The following SPATA6 variants were observed in gnomAD, a reference collection of about 807,000 sequenced individuals.
The protein encoded by SPATA6 is spermatogenesis associated 6.
Under a neutral mutation model 65.3 loss-of-function variants are expected in SPATA6, and 56 were observed. The observed-to-expected ratio is 0.86, with a 90% confidence interval of 0.69 to 1.07. The LOEUF (loss-of-function observed/expected upper bound fraction) is 1.07. SPATA6 is among the 50% of genes least tolerant of loss of function. The pLI is 0.00. For missense variants in SPATA6, 590 were observed against 594.8 expected (o/e 0.99, Z 0.08); for synonymous variants, 199 against 213.2 (o/e 0.93, Z 0.58).
intron 1 of SPATA6, among the ~76,000 whole-genome samples, chr1:48,465,176 A>C (rs1464896305): frequency 6.6e-6 from 1 of 152,190 alleles, no homozygotes; most frequent in African/African-American, 2.4e-5. Flanking sequence ...GGATATTGGT[A>C]GTCACAGAAA....
chr1:48,329,423 T>G (rs192637976), intron 11 of SPATA6, among the ~76,000 whole-genome samples: 47 of 152,168 alleles, frequency 3.1e-4, no homozygotes, highest in Admixed American at 2.9e-3. Flanking sequence ...AGAAAAAGAC[T>G]TGTACCAGAC....
At chr1:48,375,289 T>C (rs1218768325) in intron 9 of SPATA6, among the ~76,000 whole-genome samples, 1 of 152,034 alleles carries the variant, frequency 6.6e-6, no homozygotes, top group African/African-American at 2.4e-5. Flanking sequence ...GGGAGAAATC[T>C]GTCTCATTAC....
intron 11 of SPATA6, among the ~76,000 whole-genome samples, chr1:48,344,534 TAAACTTA>T (rs1646308851): frequency 6.6e-6 from 1 of 152,022 alleles, no homozygotes; most frequent in South Asian, 2.1e-4. Flanking sequence ...ATATAAACAC[TAAACTTA>T]AATCTAAATG....
chr1:48,448,721 A>G (rs1273578596), intron 3 of SPATA6, among the ~76,000 whole-genome samples: 2 of 152,242 alleles, frequency 1.3e-5, no homozygotes, highest in Non-Finnish European at 2.9e-5. Context: ...GGAATGAACT[A>G]CTTAGATGTG....
At chr1:48,348,804 AT>A (rs1393420012) in intron 11 of SPATA6, among the ~76,000 whole-genome samples, 1 of 152,024 alleles carries the variant, frequency 6.6e-6, no homozygotes, top group Non-Finnish European at 1.5e-5. Flanking sequence ...ATAAACATGA[AT>A]TAAAGCTTAT....
intron 11 of SPATA6, among the ~76,000 whole-genome samples, chr1:48,335,292 C>A (rs1646028633): frequency 6.7e-6 from 1 of 149,022 alleles, no homozygotes; most frequent in Non-Finnish European, 1.5e-5. Context: ...TTCTAAAATT[C>A]ATATGGAACA....
At chr1:48,329,322 G>C (rs1212650478) in intron 11 of SPATA6, among the ~76,000 whole-genome samples, 1 of 152,114 alleles carries the variant, frequency 6.6e-6, no homozygotes, top group East Asian at 1.9e-4. Flanking sequence ...GTATAGATTA[G>C]AAATGGCTTA....
intron 11 of SPATA6, among the ~76,000 whole-genome samples, chr1:48,328,372 G>A (rs1645824064): frequency 6.6e-6 from 1 of 151,766 alleles, no homozygotes; most frequent in African/African-American, 2.4e-5. Context: ...TCCATCAACT[G>A]ATGAATGGAT....
chr1:48,273,348 A>AT, the SPATA6 span, among the ~76,000 whole-genome samples: 9 of 151,830 alleles, frequency 5.9e-5, no homozygotes, highest in Non-Finnish European at 8.8e-5. Flanking sequence ...GCCAAACATC[A>AT]TTTTTTTTAT....
chr1:48,448,284 T>G, intron 3 of SPATA6, among the ~76,000 whole-genome samples: 1 of 148,556 alleles, frequency 6.7e-6, no homozygotes, highest in Admixed American at 6.7e-5. Context: ...AAGGAGAAGC[T>G]GAAAAAGGAA....
intron 11 of SPATA6, among the ~76,000 whole-genome samples, chr1:48,332,356 T>C (rs1031265395): frequency 2.6e-5 from 4 of 152,096 alleles, no homozygotes; most frequent in African/African-American, 9.7e-5. Flanking sequence ...ACATGCAATG[T>C]CATCAACAGG....
intron 8 of SPATA6, among the ~76,000 whole-genome samples, chr1:48,391,462 A>G (rs1013632564): frequency 8.5e-5 from 13 of 152,126 alleles, no homozygotes; most frequent in African/African-American, 2.7e-4. Flanking sequence ...AGCTAGCATT[A>G]TATTAAAAGT....
At chr1:48,299,206 G>A (rs1249839427) in intron 12 of SPATA6, among the ~76,000 whole-genome samples, 7 of 151,886 alleles carry the variant, frequency 4.6e-5, no homozygotes, top group African/African-American at 1.5e-4. Context: ...ATACTGGCCT[G>A]GTATGGCCAG....
At chr1:48,381,238 G>A (rs1003767008) in intron 9 of SPATA6, among the ~76,000 whole-genome samples, 3 of 152,122 alleles carry the variant, frequency 2.0e-5, no homozygotes, top group African/African-American at 4.8e-5. Context: ...TATACAGGAA[G>A]AGCCCTATCT....
chr1:48,364,010 TCTC>T (rs1212609720), intron 9 of SPATA6, among the ~76,000 whole-genome samples: 1 of 151,866 alleles, frequency 6.6e-6, no homozygotes, highest in Non-Finnish European at 1.5e-5. Flanking sequence ...GTCCATGTGC[TCTC>T]CTTGTTCAAT....
At chr1:48,451,490 T>G in intron 3 of SPATA6, 62 bp downstream of exon 3, 6 of 1,501,924 alleles carry the variant, frequency 4.0e-6, no homozygotes, top group Non-Finnish European at 5.5e-6. Flanking sequence ...AGATTAAAGA[T>G]CATAAGGATA....
chr1:48,304,710 G>A (rs949288098), intron 12 of SPATA6, among the ~76,000 whole-genome samples: 3 of 152,010 alleles, frequency 2.0e-5, no homozygotes, highest in African/African-American at 7.2e-5. Flanking sequence ...ATCTATGGGG[G>A]TAAAAAGTGG....
At chr1:48,280,624 T>G in the SPATA6 span, among the ~76,000 whole-genome samples, 4 of 152,036 alleles carry the variant, frequency 2.6e-5, no homozygotes, top group South Asian at 8.3e-4. Context: ...CCTCCCAAGA[T>G]TAAACCAGGA....
chr1:48,320,064 C>T (rs1206541449), intron 11 of SPATA6, among the ~76,000 whole-genome samples: 1 of 152,176 alleles, frequency 6.6e-6, no homozygotes, highest in Non-Finnish European at 1.5e-5. Flanking sequence ...AGCCCAGTCC[C>T]CAGAGGCTGT....
Sources: allele counts gnomAD v4.1 joint callset (sites outside exome capture counted in the v4.1 genomes callset), GRCh38; gene constraint gnomAD v4.1.1; transcripts MANE v1.5; gene names NCBI Gene and HGNC (gene_info 2026-07-23, HGNC 2026-07-21).